ALOX5AP: variants seen among roughly 807,000 people sequenced by gnomAD.
The protein encoded by ALOX5AP is arachidonate 5-lipoxygenase activating protein.
In ALOX5AP, 9 loss-of-function variants were observed where a neutral mutation model predicts 18.5. The ratio of observed to expected loss-of-function variants is 0.49; its 90% CI spans 0.29 to 0.85. The LOEUF is 0.85. ALOX5AP is among the 40% of genes least tolerant of loss of function. The pLI, the probability that ALOX5AP is intolerant of heterozygous loss-of-function variation, is 0.08. For missense variants in ALOX5AP, 172 were observed against 202.5 expected (o/e 0.85, Z 0.91); for synonymous variants, 81 against 78.6 (o/e 1.03, Z -0.16).
At chr13:30,731,620 C>T (rs1951681376), upstream of ALOX5AP, among the ~76,000 whole-genome samples, 1 of 152,198 alleles carries the variant, frequency 6.6e-6, no homozygotes, top group African/African-American at 2.4e-5. Context: ...CCTCTAGCCT[C>T]GGCCTTCCAA....
At position 30,760,308 on chromosome 13, in the gene ALOX5AP, G is replaced by C. The variant is rs528066820; in HGVS notation, c.324-3636G>C. Among the ~76,000 whole-genome samples, 4 of 152,064 alleles carry C rather than the reference G, an allele frequency of 2.6e-5. No individual in the cohort carries two copies. The East Asian group carries it at 5.8e-4, about 22-fold the overall frequency. On this transcript the variant is annotated intron_variant, in intron 4 of 4. Coordinates refer to ENST00000380490, the MANE Select transcript of ALOX5AP (RefSeq NM_001629.4). ...GGGGGCCACAGAGAGCTGAGCTGGG[G>C]TGGTCTCGAACTCCTGAACTCAAGC... is the stretch of plus-strand genomic sequence containing the variant.
At chr13:30,745,249 G>A (rs1353524263) in intron 2 of ALOX5AP, among the ~76,000 whole-genome samples, 1 of 152,190 alleles carries the variant, frequency 6.6e-6, no homozygotes, top group African/African-American at 2.4e-5. Context: ...TCAGTGAGGT[G>A]TAGGCATGAG....
intron 2 of ALOX5AP, among the ~76,000 whole-genome samples, chr13:30,749,842 T>C (rs1460518971): frequency 2.0e-5 from 3 of 152,194 alleles, no homozygotes; most frequent in African/African-American, 4.8e-5. Flanking sequence ...GAAGATTCCA[T>C]TGGTGAGGCG....
intron 1 of ALOX5AP, among the ~76,000 whole-genome samples, chr13:30,741,624 G>A (rs922491622): frequency 1.9e-4 from 26 of 139,484 alleles, no homozygotes; most frequent in African/African-American, 7.0e-4. Flanking sequence ...GGCCTGGCTG[G>A]TCTTGAACTC....
intron 1 of ALOX5AP, among the ~76,000 whole-genome samples, chr13:30,725,065 G>A (rs1951628854): frequency 6.6e-6 from 1 of 152,170 alleles, no homozygotes; most frequent in Non-Finnish European, 1.5e-5. Flanking sequence ...GAAGGACAGT[G>A]CCAAAGGAAA....
chr13:30,722,439 A>G (rs1225964850), intron 1 of ALOX5AP, among the ~76,000 whole-genome samples: 4 of 152,212 alleles, frequency 2.6e-5, no homozygotes, highest in African/African-American at 9.7e-5. Context: ...TTTATATGCA[A>G]AAGAACTTAA....
At position 30,760,047 on chromosome 13, in the gene ALOX5AP, G is replaced by A. The variant is rs780363995; in HGVS notation, c.324-3897G>A. On this transcript the variant is annotated intron_variant, in intron 4 of 4. Transcript: ENST00000380490. ...TTCATTCATTTCAGAAATATTTGCAGAGGTCCTTATTTATTGGAGATTTGT... is the reference window on the plus strand; with the variant it reads ...TTCATTCATTTCAGAAATATTTGCAAAGGTCCTTATTTATTGGAGATTTGT... Among the ~76,000 whole-genome samples, 238 of 152,160 alleles carry A rather than the reference G, an allele frequency of 1.6e-3. 1 individual carries two copies. The highest frequency in any genetic ancestry group is 1.9e-3 in the Non-Finnish European group (128 of 68,026).
intron 2 of ALOX5AP, among the ~76,000 whole-genome samples, chr13:30,748,796 A>T (rs1440484238): frequency 6.6e-6 from 1 of 152,218 alleles, no homozygotes. Context: ...CTTGTAGATG[A>T]GCAAACTGAG....
At position 30,759,480 on chromosome 13, in the gene ALOX5AP, G is replaced by A. The variant is rs544358681; in HGVS notation, c.323+3455G>A. Reference sequence around the variant, plus strand: ...CTGCTCTGTGCCAGGTACCAGGTCAGTTGCTGAAGGAGTAACAGTGAACAT... The same window carrying A: ...CTGCTCTGTGCCAGGTACCAGGTCAATTGCTGAAGGAGTAACAGTGAACAT... On this transcript the variant is annotated intron_variant, in intron 4 of 4. Coordinates refer to ENST00000380490, the MANE Select transcript of ALOX5AP (RefSeq NM_001629.4). 4.6e-5 allele frequency among the ~76,000 whole-genome samples: 7 copies of A among 152,312 alleles called. No individual in the cohort carries two copies. The East Asian group carries it at 1.3e-3, about 29-fold the overall frequency.
intron 1 of ALOX5AP, among the ~76,000 whole-genome samples, chr13:30,719,678 T>C (rs1009683413): frequency 3.3e-5 from 5 of 152,196 alleles, no homozygotes; most frequent in Admixed American, 6.5e-5. Context: ...TGCTATGTCA[T>C]AGGTTGTTGG....
At chr13:30,746,211 G>T (rs1951808174) in intron 2 of ALOX5AP, among the ~76,000 whole-genome samples, 2 of 152,240 alleles carry the variant, frequency 1.3e-5, no homozygotes, top group African/African-American at 4.8e-5. Context: ...TCGTTGTGGG[G>T]TGCCAGAGAT....
At chr13:30,742,456 T>A (rs1951774535) in intron 1 of ALOX5AP, 1 of 152,216 alleles carries the variant, frequency 6.6e-6, no homozygotes, top group African/African-American at 2.4e-5. Flanking sequence ...GCAGGTTGAC[T>A]CTGGAAAGTT....
At chr13:30,755,289 T>C (rs1053262600) in intron 3 of ALOX5AP, among the ~76,000 whole-genome samples, 1 of 152,184 alleles carries the variant, frequency 6.6e-6, no homozygotes, top group Non-Finnish European at 1.5e-5. Flanking sequence ...AGGTTAAACA[T>C]TGTGCTGTGG....
At chr13:30,718,126 A>G (rs886571132) in intron 1 of ALOX5AP, among the ~76,000 whole-genome samples, 3 of 151,406 alleles carry the variant, frequency 2.0e-5, no homozygotes, top group African/African-American at 7.3e-5. Context: ...TGCCTGGCTA[A>G]TTTTGTATTT....
At chr13:30,724,705 G>C (rs1323478769) in intron 1 of ALOX5AP, among the ~76,000 whole-genome samples, 1 of 152,168 alleles carries the variant, frequency 6.6e-6, no homozygotes, top group African/African-American at 2.4e-5. Flanking sequence ...ATCACCATGG[G>C]CCACCGTGTT....
chr13:30,716,177 C>G (rs1251225631), intron 1 of ALOX5AP, among the ~76,000 whole-genome samples: 1 of 152,226 alleles, frequency 6.6e-6, no homozygotes, highest in Non-Finnish European at 1.5e-5. Context: ...CTCTCAACCT[C>G]TATTGTTAGC....
chr13:30,735,348 G>A (rs950059213), upstream of ALOX5AP, among the ~76,000 whole-genome samples: 2 of 150,554 alleles, frequency 1.3e-5, no homozygotes, highest in African/African-American at 4.9e-5. Context: ...GTAGGAGAGT[G>A]TGCTGGCTTT....
chr13:30,759,385 ACTC>A (rs1394777431), intron 4 of ALOX5AP, among the ~76,000 whole-genome samples: 2 of 151,388 alleles, frequency 1.3e-5, no homozygotes, highest in Admixed American at 1.3e-4. Flanking sequence ...AGGTTACCCC[ACTC>A]CTCCTCCTCC....
At chr13:30,760,446 C>T (rs532219885) in intron 4 of ALOX5AP, among the ~76,000 whole-genome samples, 12 of 152,324 alleles carry the variant, frequency 7.9e-5, no homozygotes, top group African/African-American at 2.4e-4. Context: ...TCCCACACTA[C>T]GGCGCCTCAT....
Sources: allele counts gnomAD v4.1 joint callset (sites outside exome capture counted in the v4.1 genomes callset), GRCh38; gene constraint gnomAD v4.1.1; transcripts MANE v1.5; gene names NCBI Gene and HGNC (gene_info 2026-07-23, HGNC 2026-07-21).